Variants in SLIT3 observed in about 807,000 individuals in gnomAD.
The protein encoded by SLIT3 is slit guidance ligand 3.
In SLIT3, 68 loss-of-function variants were observed where a neutral mutation model predicts 184.0. The observed-to-expected ratio is 0.37, with a 90% CI of 0.30 to 0.45. The LOEUF is 0.45. Ranked by LOEUF, SLIT3 falls within the 20% of genes least tolerant of loss-of-function variation. SLIT3 has a pLI of 1.00. For missense variants in SLIT3, 1,707 were observed against 2,026.0 expected (o/e 0.84, Z 3.02); for synonymous variants, 831 against 828.6 (o/e 1.00, Z -0.05).
chr5:169,127,338 A>G (rs1011686192), intron 4 of SLIT3, among the ~76,000 whole-genome samples: 2 of 152,162 alleles, frequency 1.3e-5, no homozygotes, highest in Non-Finnish European at 2.9e-5. Flanking sequence ...AGTGCTTCCC[A>G]ATTACTAAAA....
At chr5:169,116,788 A>C (rs1760681372) in intron 4 of SLIT3, among the ~76,000 whole-genome samples, 1 of 152,214 alleles carries the variant, frequency 6.6e-6, no homozygotes, top group African/African-American at 2.4e-5. Flanking sequence ...GTGCTGGGGA[A>C]AAGTCCTCAA....
intron 1 of SLIT3, among the ~76,000 whole-genome samples, chr5:169,284,362 T>C (rs1269149817): frequency 5.9e-5 from 9 of 152,334 alleles, no homozygotes; most frequent in Middle Eastern, 3.4e-3. Context: ...TGAGGGTATC[T>C]TCCCAGATCT....
At chr5:168,776,714 C>A (rs1250254427) in intron 12 of SLIT3, among the ~76,000 whole-genome samples, 1 of 152,130 alleles carries the variant, frequency 6.6e-6, no homozygotes, top group Non-Finnish European at 1.5e-5. Context: ...AGTGTCACTG[C>A]ATTTTGGGGG....
chr5:169,283,445 GA>G, intron 1 of SLIT3, among the ~76,000 whole-genome samples: 1 of 152,164 alleles, frequency 6.6e-6, no homozygotes, highest in Admixed American at 6.5e-5. Flanking sequence ...AGAAAGAAAG[GA>G]TCCAATTGAC....
At chr5:169,023,600 C>T in intron 4 of SLIT3, 1 of 147,698 alleles carries the variant, frequency 6.8e-6, no homozygotes, top group Non-Finnish European at 1.5e-5. Context: ...TTTCTACCCT[C>T]TGTTCTTTTT....
chr5:169,124,233 G>C (rs1000968592), intron 4 of SLIT3, among the ~76,000 whole-genome samples: 8 of 152,156 alleles, frequency 5.3e-5, no homozygotes, highest in African/African-American at 1.9e-4. Context: ...GCTTACAAAA[G>C]TATCTTGACC....
intron 4 of SLIT3, among the ~76,000 whole-genome samples, chr5:169,174,860 T>C (rs1451928415): frequency 2.0e-5 from 3 of 152,104 alleles, no homozygotes; most frequent in Non-Finnish European, 4.4e-5. Context: ...GAGCTGAAGC[T>C]CAACAAAGAC....
At chr5:168,940,161 T>G (rs1762286671) in intron 4 of SLIT3, among the ~76,000 whole-genome samples, 1 of 152,212 alleles carries the variant, frequency 6.6e-6, no homozygotes, top group South Asian at 2.1e-4. Context: ...CCTTGGTAAG[T>G]GCCATTAGCT....
intron 29 of SLIT3, among the ~76,000 whole-genome samples, chr5:168,692,114 T>C (rs1484351520): frequency 2.0e-5 from 3 of 152,178 alleles, no homozygotes; most frequent in African/African-American, 4.8e-5. Flanking sequence ...ACCACAGTGC[T>C]CCTGCCCCCT....
chr5:169,288,263 G>T (rs1767225229), intron 1 of SLIT3, among the ~76,000 whole-genome samples: 1 of 152,140 alleles, frequency 6.6e-6, no homozygotes, highest in South Asian at 2.1e-4. Flanking sequence ...CTAATAAAAT[G>T]CAGAACTTGT....
At chr5:169,214,096 CTCA>C (rs1026470233) in intron 3 of SLIT3, among the ~76,000 whole-genome samples, 111 of 145,368 alleles carry the variant, frequency 7.6e-4, no homozygotes, top group African/African-American at 2.7e-3. Context: ...TCTCAGTCTT[CTCA>C]TCTGTTAAAT....
At chr5:169,049,539 G>C (rs1371953866) in intron 4 of SLIT3, among the ~76,000 whole-genome samples, 1 of 152,196 alleles carries the variant, frequency 6.6e-6, no homozygotes, top group Non-Finnish European at 1.5e-5. Flanking sequence ...GAACTGGAAA[G>C]AATTATCTGA....
intron 3 of SLIT3, among the ~76,000 whole-genome samples, chr5:169,194,403 T>C (rs1186712239): frequency 1.3e-5 from 2 of 152,144 alleles, no homozygotes; most frequent in Non-Finnish European, 2.9e-5. Context: ...AAAATGGAAT[T>C]CTGGCCATCT....
At chr5:169,284,165 G>A (rs184787382) in intron 1 of SLIT3, among the ~76,000 whole-genome samples, 126 of 152,362 alleles carry the variant, frequency 8.3e-4, no homozygotes, top group African/African-American at 2.8e-3. Context: ...GGATCTATCC[G>A]GTGAGGAAAG....
intron 20 of SLIT3, among the ~76,000 whole-genome samples, chr5:168,729,760 G>T (rs1763239909): frequency 6.6e-6 from 1 of 151,750 alleles, no homozygotes; most frequent in South Asian, 2.1e-4. Flanking sequence ...GAATCAAATG[G>T]CAACACCACA....
chr5:169,041,298 G>A (rs1367756621), intron 4 of SLIT3, among the ~76,000 whole-genome samples: 1 of 152,166 alleles, frequency 6.6e-6, no homozygotes, highest in Non-Finnish European at 1.5e-5. Context: ...ATAAAGATGT[G>A]AATGAGACAC....
chr5:168,982,651 T>C (rs1363745139), intron 4 of SLIT3, among the ~76,000 whole-genome samples: 1 of 152,194 alleles, frequency 6.6e-6, no homozygotes, highest in African/African-American at 2.4e-5. Context: ...CACACATAAT[T>C]GGAGAAGCAC....
chr5:169,276,748 T>A (rs1391024061), intron 1 of SLIT3, among the ~76,000 whole-genome samples: 1 of 152,206 alleles, frequency 6.6e-6, no homozygotes, highest in Non-Finnish European at 1.5e-5. Context: ...CAGTAAGGCT[T>A]GACAAAAACA....
chr5:168,844,853 G>C (rs1271833248), intron 5 of SLIT3, 198 bp from the exon 6 acceptor site: 2 of 546,080 alleles, frequency 3.7e-6, no homozygotes, highest in Non-Finnish European at 6.6e-6. Context: ...ACACAGACGA[G>C]CGCACCAAAA....
Sources: gnomAD v4.1 joint callset for allele counts (sites outside exome capture counted in the v4.1 genomes callset) on GRCh38, gnomAD v4.1.1 for gene constraint, MANE v1.5 for transcripts, NCBI Gene and HGNC (gene_info 2026-07-23, HGNC 2026-07-21) for gene names.